HOXD10: variants seen among roughly 807,000 people sequenced by gnomAD.
HOXD10 encodes the protein homeobox D10.
In HOXD10, 15 loss-of-function variants were observed where a neutral mutation model predicts 27.0. The observed-to-expected ratio is 0.56, with a 90% CI of 0.37 to 0.85. The LOEUF (loss-of-function observed/expected upper bound fraction) is 0.85. Ranked by LOEUF, HOXD10 falls within the 40% of genes least tolerant of loss-of-function variation. HOXD10 has a pLI of 0.00. For missense variants in HOXD10, 440 were observed against 430.4 expected (o/e 1.02, Z -0.20); for synonymous variants, 178 against 160.9 (o/e 1.11, Z -0.80).
chr2:176,119,071 A>G lies in HOXD10; in HGVS notation c.863A>G (p.Asn288Ser), dbSNP rs1177218812. Residue 288 changes from asparagine to serine, a missense_variant, in exon 2 of 2, where the codon AAT becomes AGT. Transcript: ENST00000249501. Reference protein sequence around the residue: ...TLELEKEFLFNMYLTRERRLE... With the variant: ...TLELEKEFLFSMYLTRERRLE... ...GAATTAGAAAAAGAGTTCTTGTTCA[A>G]TATGTACCTCACCCGCGAGCGCCGC... 6.2e-7 allele frequency: 1 copy of G among 1,614,128 alleles called. No individual in the cohort carries two copies. Among genetic ancestry groups the G allele is most frequent in the Non-Finnish European group, 8.5e-7 (1 of 1,180,032 alleles).
chr2:176,117,901 T>C (rs1289210317), intron 1 of HOXD10, among the ~76,000 whole-genome samples: 1 of 152,238 alleles, frequency 6.6e-6, no homozygotes, highest in Non-Finnish European at 1.5e-5. Flanking sequence ...CAGAGCCTCT[T>C]TTCTCCTGCT....
In HOXD10 at chr2:176,118,966, C is replaced by T; in HGVS notation, c.758C>T (p.Ser253Phe). ...TTAATTTTGTTAGAGGAAATCAAGT[C>T]TGATACACCAACCAGCAATTGGCTC... ...QEKESKEEIKSDTPTSNWLTA... is the reference protein window; with the variant it reads ...QEKESKEEIKFDTPTSNWLTA... The change falls in exon 2 of 2, where the codon TCT (serine) becomes TTT (phenylalanine). Residue 253 changes from serine (S) to phenylalanine (F), a missense_variant. By Grantham distance (155) the Ser-to-Phe change is radical. Transcript: ENST00000249501. 6.2e-7 allele frequency: 1 copy of T among 1,613,126 alleles called. No individual in the cohort carries two copies. Among genetic ancestry groups the T allele is most frequent in the South Asian group, 1.1e-5 (1 of 91,044 alleles).
At position 176,117,545 on chromosome 2, in the gene HOXD10, T is replaced by A; in HGVS notation, c.712T>A (p.Ser238Thr). 6.2e-7 allele frequency: 1 copy of A among 1,613,172 alleles called. No individual in the cohort carries two copies. The highest frequency in any genetic ancestry group is 8.5e-7 in the Non-Finnish European group (1 of 1,180,032). Residue 238 changes from serine (S) to threonine (T), a missense_variant, in exon 1 of 2, where the codon TCC (serine) becomes ACC (threonine). Coordinates refer to ENST00000249501, the MANE Select transcript of HOXD10 (RefSeq NM_002148.4). ...GAGCTGCCTGGCTGAGGTCTCCGTG[T>A]CCAGTCCCGAAGTGCAGGAGAAGGA... ...ERSCLAEVSV[S>T]SPEVQEKESK...
chr2:176,119,349 G>C lies in HOXD10; in HGVS notation c.*118G>C. ...ACAAAACCTTCACCGCTCTTTGTTT[G>C]TTGTTTTGTTGTATTTTGTTTTCCT... On this transcript the variant is annotated 3_prime_UTR_variant, in exon 2 of 2. Transcript: ENST00000249501. The C allele has an allele frequency of 2.8e-6, 3 of 1,075,902 alleles. No individual in the cohort carries two copies. Among genetic ancestry groups the C allele is most frequent in the Non-Finnish European group, 2.8e-6 (2 of 724,646 alleles). 66.6% of individuals were successfully genotyped at this position (1,075,902 alleles called of 1,614,324 possible). A position where few individuals can be genotyped will look rare whatever the true frequency, so the allele number is the denominator to read the frequency against.
chr2:176,117,301 G>A lies in HOXD10; in HGVS notation c.468G>A (p.Gln156=). Reference sequence around the variant, plus strand: ...TCCCTGGATATTTTAGACTGAGTCAGACCTACGCCACCGGGAAAACCCAAG... The same window carrying A: ...TCCCTGGATATTTTAGACTGAGTCAAACCTACGCCACCGGGAAAACCCAAG... The part of the protein sequence containing the change: ...VPVPGYFRLS[Q]TYATGKTQEY... Residue 156 remains glutamine, a synonymous_variant, in exon 1 of 2, where the codon CAG becomes CAA. Transcript: ENST00000249501. The A allele has an allele frequency of 6.2e-7, 1 of 1,613,402 alleles. No individual in the cohort carries two copies. Among genetic ancestry groups the A allele is most frequent in the Non-Finnish European group, 8.5e-7 (1 of 1,179,396 alleles).
Position 176,116,901 on chromosome 2 carries a change from G to C in HOXD10, c.68G>C (p.Arg23Thr), listed in dbSNP as rs1375847721. Residue 23 changes from arginine (R) to threonine (T), a missense_variant, in exon 1 of 2, where the codon AGG becomes ACG. Physicochemically the swap from Arg to Thr is moderately conservative, Grantham distance 71. Transcript: ENST00000249501. ...GTAGATTCCTTGATCAGTGCCTGCAGGAGTGACAGTTTTTATTCCAGCAGC... is the reference window on the plus strand; with the variant it reads ...GTAGATTCCTTGATCAGTGCCTGCACGAGTGACAGTTTTTATTCCAGCAGC... ...FLVDSLISAC[R>T]SDSFYSSSAS... 1 of 1,614,132 alleles carries C rather than the reference G, an allele frequency of 6.2e-7. No individual in the cohort carries two copies. Among genetic ancestry groups the C allele is most frequent in the Non-Finnish European group, 8.5e-7 (1 of 1,179,964 alleles).
In HOXD10 at chr2:176,119,464, T is replaced by TATATATATATAA. The variant is rs886055159; in HGVS notation, c.*234_*235insTATATATATAAA. The TATATATATATAA allele has an allele frequency of 5.4e-4, 78 of 145,730 alleles. No homozygotes were observed. Among genetic ancestry groups the TATATATATATAA allele is most frequent in the South Asian group, 8.9e-4 (4 of 4,498 alleles). 9.0% of individuals were successfully genotyped at this position (145,730 alleles called of 1,614,324 possible). A position where few individuals can be genotyped will look rare whatever the true frequency, so the allele number is the denominator to read the frequency against. On this transcript the variant is annotated 3_prime_UTR_variant, in exon 2 of 2. Transcript: ENST00000249501. ...ATATATATATATATATATATATATA[T>TATATATATATAA]AAAAACTTAGCACGTGTAATTTATT...
At position 176,119,128 on chromosome 2, in the gene HOXD10, A is replaced by T. The variant is rs1438415323; in HGVS notation, c.920A>T (p.Asp307Val). The T allele has an allele frequency of 1.9e-6, 3 of 1,613,928 alleles. No homozygotes were observed. The highest frequency in any genetic ancestry group is 2.5e-6 in the Non-Finnish European group (3 of 1,180,006). The change falls in exon 2 of 2, where the codon GAC (aspartate) becomes GTC (valine). Residue 307 changes from aspartate (D) to valine (V), a missense_variant. By Grantham distance (152) the Asp-to-Val change is radical. Transcript: ENST00000249501. Reference protein sequence around the residue: ...LEISKSVNLTDRQVKIWFQNR... With the variant: ...LEISKSVNLTVRQVKIWFQNR... The stretch of plus-strand genomic sequence containing the variant: ...ATCAGTAAGAGCGTTAACCTCACCG[A>T]CAGGCAGGTCAAGATTTGGTTTCAA...
At position 176,119,435 on chromosome 2, in the gene HOXD10, GTATATATATATATATATA is replaced by G. The variant is rs6147035; in HGVS notation, c.*217_*234del. The G allele has an allele frequency of 1.9e-3, 335 of 178,028 alleles. 58 individuals carry two copies. The highest frequency in any genetic ancestry group is 0.011 in the Middle Eastern group (5 of 458). The allele number at this position is 178,028 out of a possible 1,614,324, so 11.0% of individuals were successfully genotyped here. On this transcript the variant is annotated 3_prime_UTR_variant, in exon 2 of 2. Transcript: ENST00000249501. Reference sequence around the variant, plus strand: ...TGCAAGTGATCTGTAATCCCTATGAGTATATATATATATATATATATATATATATAAAAACTTAGCACG... The same window carrying G: ...TGCAAGTGATCTGTAATCCCTATGAGTATATATATATAAAAACTTAGCACG...
In HOXD10 at chr2:176,117,619, C is replaced by A. The variant is rs747044889; in HGVS notation, c.745+41C>A. On this transcript the variant is annotated intron_variant, in intron 1 of 1. Coordinates refer to ENST00000249501, the MANE Select transcript of HOXD10 (RefSeq NM_002148.4). ...GTTGCCACCCCAGCGGGGCGCGCAG[C>A]CCGGGAACCCGGCAGAGAGGGAGTG... 1.9e-6 allele frequency: 3 copies of A among 1,607,418 alleles called. No homozygotes were observed. In the South Asian group the frequency reaches 3.3e-5, roughly 18 times the overall value.
rs1689827964 is a variant in HOXD10, at chr2:176,119,435, G to GTATATGTATATATATA, written c.*209_*210insGTATATATATATATAT. The GTATATGTATATATATA allele has an allele frequency of 5.6e-6, 1 of 177,804 alleles. No homozygotes were observed. Among genetic ancestry groups the GTATATGTATATATATA allele is most frequent in the Admixed American group, 7.2e-5 (1 of 13,904 alleles). 11.0% of individuals were successfully genotyped at this position (177,804 alleles called of 1,614,324 possible). On this transcript the variant is annotated 3_prime_UTR_variant, in exon 2 of 2. Coordinates refer to ENST00000249501, the MANE Select transcript of HOXD10 (RefSeq NM_002148.4). ...TGCAAGTGATCTGTAATCCCTATGA[G>GTATATGTATATATATA]TATATATATATATATATATATATAT...
Position 176,119,041 on chromosome 2 carries a change from C to T in HOXD10, c.833C>T (p.Thr278Met). 1 of 1,613,986 alleles carries T rather than the reference C, an allele frequency of 6.2e-7. No homozygotes were observed. Among genetic ancestry groups the T allele is most frequent in the East Asian group, 2.2e-5 (1 of 44,880 alleles). The change falls in exon 2 of 2, where the codon ACG (threonine) becomes ATG (methionine). Residue 278 changes from threonine (T) to methionine (M), a missense_variant. Transcript: ENST00000249501. ...KKRCPYTKHQ[T>M]LELEKEFLFN... The stretch of plus-strand genomic sequence containing the variant: ...AGGTGCCCTTACACTAAGCACCAAA[C>T]GCTGGAATTAGAAAAAGAGTTCTTG...
chr2:176,116,902 G>A lies in HOXD10; in HGVS notation c.69G>A (p.Arg23=). The part of the protein sequence containing the change: ...FLVDSLISAC[R]SDSFYSSSAS... ...TAGATTCCTTGATCAGTGCCTGCAG[G>A]AGTGACAGTTTTTATTCCAGCAGCG... The change falls in exon 1 of 2, where the codon AGG becomes AGA. Residue 23 remains arginine (R), a synonymous_variant. Transcript: ENST00000249501. 1.2e-6 allele frequency: 2 copies of A among 1,614,108 alleles called. No individual in the cohort carries two copies. The highest frequency in any genetic ancestry group is 1.7e-6 in the Non-Finnish European group (2 of 1,179,972).
At chr2:176,117,600 A>G (rs559630270) in intron 1 of HOXD10, 22 bp downstream of exon 1, 1 of 1,611,564 alleles carries the variant, frequency 6.2e-7, no homozygotes, top group Non-Finnish European at 8.5e-7. Flanking sequence ...CAGAGTTGCC[A>G]CCCCAGCGGG....
chr2:176,117,685 T>C (rs1574953070), intron 1 of HOXD10, 107 bp downstream of exon 1: 1 of 1,273,382 alleles, frequency 7.9e-7, no homozygotes, highest in Non-Finnish European at 1.1e-6. Flanking sequence ...ACTTGGCAGG[T>C]GCTGCTCCGC....
At position 176,117,430 on chromosome 2, in the gene HOXD10, G is replaced by C. The variant is rs1215026179; in HGVS notation, c.597G>C (p.Lys199Asn). The change falls in exon 1 of 2, where the codon AAG becomes AAC. Residue 199 changes from lysine to asparagine, a missense_variant. Coordinates refer to ENST00000249501, the MANE Select transcript of HOXD10 (RefSeq NM_002148.4). The part of the protein sequence containing the change: ...QLSAAQLQME[K>N]KMNEPVSGQE... Reference sequence around the variant, plus strand: ...CCGCTGCCCAGCTGCAGATGGAAAAGAAGATGAACGAGCCCGTGAGCGGCC... The same window carrying C: ...CCGCTGCCCAGCTGCAGATGGAAAACAAGATGAACGAGCCCGTGAGCGGCC... The C allele has an allele frequency of 6.2e-7, 1 of 1,613,262 alleles. No individual in the cohort carries two copies. Among genetic ancestry groups the C allele is most frequent in the Non-Finnish European group, 8.5e-7 (1 of 1,180,020 alleles).
At position 176,117,332 on chromosome 2, in the gene HOXD10, A is replaced by G. The variant is rs771786701; in HGVS notation, c.499A>G (p.Asn167Asp). 2 of 1,614,012 alleles carry G rather than the reference A, an allele frequency of 1.2e-6. No individual in the cohort carries two copies. The highest frequency in any genetic ancestry group is 2.2e-5 in the South Asian group (2 of 91,084). The change falls in exon 1 of 2, where the codon AAT becomes GAT. Residue 167 changes from asparagine (N) to aspartate (D), a missense_variant. Transcript: ENST00000249501. ...CGCCACCGGGAAAACCCAAGAGTACAATAATAGCCCCGAAGGCAGCTCCAC... is the reference window on the plus strand; with the variant it reads ...CGCCACCGGGAAAACCCAAGAGTACGATAATAGCCCCGAAGGCAGCTCCAC... ...TYATGKTQEYNNSPEGSSTVM... is the reference protein window; with the variant it reads ...TYATGKTQEYDNSPEGSSTVM...
chr2:176,119,300 T>G lies in HOXD10; in HGVS notation c.*69T>G. 2.7e-6 allele frequency: 4 copies of G among 1,506,372 alleles called. No homozygotes were observed. The highest frequency in any genetic ancestry group is 3.7e-6 in the Non-Finnish European group (4 of 1,090,828). The allele number at this position is 1,506,372 out of a possible 1,614,324, so 93.3% of individuals were successfully genotyped here. On this transcript the variant is annotated 3_prime_UTR_variant, in exon 2 of 2. Coordinates refer to ENST00000249501, the MANE Select transcript of HOXD10 (RefSeq NM_002148.4). ...GGGGGCACCGCGTTCCAGGGCCCAG[T>G]GCTGGAGGACTGGGAAAGCGGAAAC...
chr2:176,119,078 C>A lies in HOXD10; in HGVS notation c.870C>A (p.Tyr290Ter). Residue 290 changes from tyrosine (Y) to a stop codon, truncating the protein, a stop_gained, in exon 2 of 2, where the codon TAC becomes TAA. Coordinates refer to ENST00000249501, the MANE Select transcript of HOXD10 (RefSeq NM_002148.4). LOFTEE classifies it high-confidence loss of function. ...AAAAAGAGTTCTTGTTCAATATGTA[C>A]CTCACCCGCGAGCGCCGCCTAGAGA... Reference protein sequence around the residue: ...ELEKEFLFNMYLTRERRLEIS... With the variant: ...ELEKEFLFNM 8 of 1,614,078 alleles carry A rather than the reference C, an allele frequency of 5.0e-6. No homozygotes were observed. Among genetic ancestry groups the A allele is most frequent in the Non-Finnish European group, 5.9e-6 (7 of 1,180,002 alleles).
Sources: allele counts gnomAD v4.1 joint callset (sites outside exome capture counted in the v4.1 genomes callset), GRCh38; gene constraint gnomAD v4.1.1; transcripts MANE v1.5; gene names NCBI Gene and HGNC (gene_info 2026-07-23, HGNC 2026-07-21).